ADRA1B: variants seen among roughly 807,000 people sequenced by gnomAD.
ADRA1B encodes adrenoceptor alpha 1B.
A neutral mutation model predicts 17.9 loss-of-function variants in ADRA1B; 17 were observed. The ratio of observed to expected loss-of-function variants is 0.95; its 90% CI spans 0.65 to 1.42. The LOEUF (loss-of-function observed/expected upper bound fraction) is 1.42. ADRA1B is among the 40% of genes most tolerant of loss of function. ADRA1B has a pLI of 0.00. For missense variants in ADRA1B, 681 were observed against 722.1 expected, an observed-to-expected ratio of 0.94 and a Z score of 0.65; for synonymous variants, 366 against 327.6, an observed-to-expected ratio of 1.12 and a Z score of -1.27.
intron 1 of ADRA1B, chr5:159,951,440 C>T (rs1455378015): frequency 2.7e-6 from 2 of 754,072 alleles, no homozygotes; most frequent in African/African-American, 1.7e-5. Context: ...AAAAGCTGCC[C>T]TGGTGAGCAG....
In ADRA1B at chr5:159,950,935, A is replaced by G. The variant is rs143932313; in HGVS notation, c.950-20944A>G. 77 of 570,534 alleles carry G rather than the reference A, an allele frequency of 1.3e-4. 1 individual carries two copies. Among genetic ancestry groups the G allele is most frequent in the African/African-American group, 1.3e-3 (71 of 54,520 alleles). The allele number at this position is 570,534 out of a possible 1,614,324, so 35.3% of individuals were successfully genotyped here. On this transcript the variant is annotated intron_variant, in intron 1 of 1. Transcript: ENST00000306675. ...CGCACCACAGTTTCCCAGAGAGGCC[A>G]TCCACAATCTTCTGGGTGGCAGTGA...
At chr5:159,978,134 C>T in the ADRA1B span, among the ~76,000 whole-genome samples, 122 of 152,310 alleles carry the variant, frequency 8.0e-4, no homozygotes, top group African/African-American at 2.2e-3. Context: ...TTTCCCCACA[C>T]ACACACTAGA....
At chr5:159,957,561 A>G (rs1755579549) in intron 1 of ADRA1B, among the ~76,000 whole-genome samples, 1 of 151,878 alleles carries the variant, frequency 6.6e-6, no homozygotes, top group South Asian at 2.1e-4. Context: ...TGTCAATTAT[A>G]CTTACTCTTC....
intron 1 of ADRA1B, 85 bp from the exon 2 acceptor site, chr5:159,971,794 T>C (rs1755869992): frequency 3.9e-6 from 5 of 1,286,560 alleles, no homozygotes; most frequent in Non-Finnish European, 5.0e-6. Flanking sequence ...GTTGACAATG[T>C]TGAGGAGAAG....
chr5:159,870,262 C>T (rs896406210), intron 1 of ADRA1B: 3 of 152,142 alleles, frequency 2.0e-5, no homozygotes, highest in Non-Finnish European at 2.9e-5. Context: ...AGTGGCCTCA[C>T]GCTTGACTTA....
chr5:159,897,142 AC>A (rs1754048587), intron 1 of ADRA1B, among the ~76,000 whole-genome samples: 2 of 152,168 alleles, frequency 1.3e-5, no homozygotes, highest in South Asian at 2.1e-4. Context: ...AACCCCAGCA[AC>A]TATTTTCCTC....
At position 159,917,525 on chromosome 5, in the gene ADRA1B, C is replaced by T; in HGVS notation, c.620C>T (p.Ser207Phe). The T allele has an allele frequency of 1.9e-6, 3 of 1,614,066 alleles. No homozygotes were observed. The highest frequency in any genetic ancestry group is 2.5e-6 in the Non-Finnish European group (3 of 1,179,954). The change falls in exon 1 of 2, where the codon TCC becomes TTC. Residue 207 changes from serine to phenylalanine, a missense_variant. Coordinates refer to ENST00000306675, the MANE Select transcript of ADRA1B (RefSeq NM_000679.4). ...GAAGAACCCTTCTATGCCCTCTTCTCCTCTCTGGGCTCCTTCTACATCCCT... is the reference window on the plus strand; with the variant it reads ...GAAGAACCCTTCTATGCCCTCTTCTTCTCTCTGGGCTCCTTCTACATCCCT... ...VTEEPFYALF[S>F]SLGSFYIPLA...
chr5:159,937,293 G>C (rs1404694629), intron 1 of ADRA1B, among the ~76,000 whole-genome samples: 1 of 152,224 alleles, frequency 6.6e-6, no homozygotes, highest in Non-Finnish European at 1.5e-5. Flanking sequence ...AGATTATGAG[G>C]AAGTTGCTAT....
chr5:159,925,793 C>T (rs1285585266), intron 1 of ADRA1B, among the ~76,000 whole-genome samples: 1 of 152,190 alleles, frequency 6.6e-6, no homozygotes, highest in East Asian at 1.9e-4. Flanking sequence ...CCCTGTATTA[C>T]CACCTGCATA....
At chr5:159,940,002 G>T (rs13179079) in intron 1 of ADRA1B, among the ~76,000 whole-genome samples, 2 of 151,974 alleles carry the variant, frequency 1.3e-5, no homozygotes, top group Non-Finnish European at 1.5e-5. Context: ...CATCTCTCCC[G>T]GGAGACTGGG....
chr5:159,914,811 T>C (rs1754262501), upstream of ADRA1B, among the ~76,000 whole-genome samples: 2 of 152,180 alleles, frequency 1.3e-5, no homozygotes, highest in African/African-American at 4.8e-5. Flanking sequence ...ATAACAAGTA[T>C]CAAGAGCAGA....
chr5:159,976,532 T>C (rs1755976723), downstream of ADRA1B, among the ~76,000 whole-genome samples: 2 of 151,564 alleles, frequency 1.3e-5, no homozygotes, highest in South Asian at 4.2e-4. Context: ...CCAGGCGTGG[T>C]GGCATGCACC....
intron 1 of ADRA1B, among the ~76,000 whole-genome samples, chr5:159,876,600 G>A (rs913769537): frequency 1.3e-5 from 2 of 152,144 alleles, no homozygotes; most frequent in African/African-American, 4.8e-5. Context: ...GTCCATCTTA[G>A]CATACTGCTG....
upstream of ADRA1B, chr5:159,916,130 G>C (rs112938143): frequency 6.6e-6 from 1 of 152,300 alleles, no homozygotes; most frequent in Non-Finnish European, 1.5e-5. Context: ...TGCTGGACAA[G>C]TTGCATATCC....
intron 1 of ADRA1B, among the ~76,000 whole-genome samples, chr5:159,948,727 G>C (rs1581059754): frequency 6.6e-6 from 1 of 152,086 alleles, no homozygotes; most frequent in African/African-American, 2.4e-5. Flanking sequence ...TTTACTGGTT[G>C]AATTGTATGT....
intron 1 of ADRA1B, among the ~76,000 whole-genome samples, chr5:159,880,541 G>C (rs891615748): frequency 1.3e-5 from 2 of 152,212 alleles, no homozygotes; most frequent in Non-Finnish European, 2.9e-5. Context: ...TTCATCTAAT[G>C]CTTGCATCTA....
rs548034218 is a variant in ADRA1B, at chr5:159,903,132, T to G, written c.-255-12987T>G. ...ACAGCCCGGCAGGACCTTACCATTC[T>G]CTAGTTTGGAACCAGCATCCTGTCC... On this transcript the variant is annotated intron_variant, in intron 1 of 2. Coordinates refer to the ADRA1B transcript ENST00000641205. 2.4e-3 allele frequency among the ~76,000 whole-genome samples: 361 copies of G among 152,256 alleles called. 2 individuals are homozygous for G. Among genetic ancestry groups the G allele is most frequent in the Admixed American group, 3.4e-3 (52 of 15,300 alleles).
intron 1 of ADRA1B, among the ~76,000 whole-genome samples, chr5:159,872,713 G>T (rs531982948): frequency 1.3e-5 from 2 of 152,112 alleles, no homozygotes; most frequent in East Asian, 3.9e-4. Context: ...GTCCTGAGAG[G>T]CAGTTTCATG....
chr5:159,867,396 T>A (rs762382906), intron 1 of ADRA1B, among the ~76,000 whole-genome samples: 1 of 152,222 alleles, frequency 6.6e-6, no homozygotes, highest in Non-Finnish European at 1.5e-5. Context: ...TCACTGAAGA[T>A]CATGCAGTTC....
Sources: allele counts gnomAD v4.1 joint callset (sites outside exome capture counted in the v4.1 genomes callset), GRCh38; gene constraint gnomAD v4.1.1; transcripts MANE v1.5; gene names NCBI Gene and HGNC (gene_info 2026-07-23, HGNC 2026-07-21).